ZBTB10: variants seen among roughly 807,000 people sequenced by gnomAD.
ZBTB10 encodes zinc finger and BTB domain-containing protein 10.
A neutral mutation model predicts 76.4 loss-of-function variants in ZBTB10; 32 were observed. The observed-to-expected ratio is 0.42, with a 90% CI of 0.32 to 0.56. The LOEUF (loss-of-function observed/expected upper bound fraction) is 0.56, where lower values mean the gene tolerates loss of function less well. Ranked by LOEUF, ZBTB10 falls within the 20% of genes least tolerant of loss-of-function variation. The pLI, the probability that ZBTB10 is intolerant of heterozygous loss-of-function variation, is 0.14. For synonymous variants in ZBTB10, 523 were observed against 432.9 expected, an observed-to-expected ratio of 1.21 and a Z score of -2.58; for missense variants, 1,057 against 1,098.5, an observed-to-expected ratio of 0.96 and a Z score of 0.53.
chr8:80,486,118 C>T, upstream of ZBTB10: 1 of 470,876 alleles, frequency 2.1e-6, no homozygotes, highest in Non-Finnish European at 3.7e-6. Context: ...CCACCCCACC[C>T]CAGCCCAGCC....
At chr8:80,504,439 G>C (rs1037872693) in intron 2 of ZBTB10, among the ~76,000 whole-genome samples, 1 of 152,070 alleles carries the variant, frequency 6.6e-6, no homozygotes, top group Admixed American at 6.6e-5. Flanking sequence ...CTTTTGTTTG[G>C]GTGCCTTTTA....
chr8:80,490,532 C>T (rs1042534369), intron 1 of ZBTB10, among the ~76,000 whole-genome samples: 6 of 152,168 alleles, frequency 3.9e-5, no homozygotes. Context: ...GCCACTGAGC[C>T]TGGCCGTTAT....
rs1815856616 is a variant in ZBTB10, at chr8:80,499,026, A to C, written c.973-468A>C. Reference sequence around the variant, plus strand: ...TTGATTTTAATGTTTGCCAAGACTTAAAATTTACCTTTTTATTAATGGTAG... The same window carrying C: ...TTGATTTTAATGTTTGCCAAGACTTCAAATTTACCTTTTTATTAATGGTAG... On this transcript the variant is annotated intron_variant, in intron 1 of 5. Transcript: ENST00000455036. Among the ~76,000 whole-genome samples, 3 of 152,230 alleles carry C rather than the reference A, an allele frequency of 2.0e-5. No homozygotes were observed. The South Asian group carries it at 6.2e-4, about 32-fold the overall frequency.
At chr8:80,505,178 T>C (rs1816018754) in intron 2 of ZBTB10, among the ~76,000 whole-genome samples, 3 of 152,204 alleles carry the variant, frequency 2.0e-5, no homozygotes. Context: ...GATATAAATG[T>C]GGTTGCCCTA....
rs1480277946 is a variant in ZBTB10 at position 80,514,096 on chromosome 8, A to AT, written c.1960+88_1960+89insT. On this transcript the variant is annotated intron_variant, in intron 3 of 5. Coordinates refer to ENST00000455036, the MANE Select transcript of ZBTB10 (RefSeq NM_001105539.3). Reference sequence around the variant, plus strand: ...CAGCCTAGTGTAATTTCTCTTCCATAAGGGGGTTCTATTGTATATAACTAC... The same window carrying AT: ...CAGCCTAGTGTAATTTCTCTTCCATATAGGGGGTTCTATTGTATATAACTAC... 3 of 1,194,992 alleles carry AT rather than the reference A, an allele frequency of 2.5e-6. No homozygotes were observed. The African/African-American group carries it at 4.5e-5, about 18-fold the overall frequency. 74.0% of individuals were successfully genotyped at this position (1,194,992 alleles called of 1,614,324 possible).
rs1283087674 is a variant in ZBTB10 at position 80,500,887 on chromosome 8, GTTTA to G, written c.1861+513_1861+516del. On this transcript the variant is annotated intron_variant, in intron 2 of 5. Coordinates refer to ENST00000455036, the MANE Select transcript of ZBTB10 (RefSeq NM_001105539.3). ...GGCTACTGTTCTTCTGTTATTTTTT[GTTTA>G]TTTATTTTTTTGAGTCGGAGTCTCA... Among the ~76,000 whole-genome samples, 6 of 152,170 alleles carry G rather than the reference GTTTA, an allele frequency of 3.9e-5. No individual in the cohort carries two copies. In the South Asian group the frequency reaches 6.2e-4, roughly 16 times the overall value.
At chr8:80,518,669 A>G in intron 4 of ZBTB10, 90 bp downstream of exon 4, 1 of 1,480,684 alleles carries the variant, frequency 6.8e-7, no homozygotes, top group Non-Finnish European at 9.0e-7. Flanking sequence ...TTAAAAACCA[A>G]GTAGCAGTAG....
At position 80,487,455 on chromosome 8, in the gene ZBTB10, G is replaced by C. The variant is rs1815503447; in HGVS notation, c.645G>C (p.Gly215=). Residue 215 remains glycine (G), a synonymous_variant, in exon 1 of 6, where the codon GGG becomes GGC. Coordinates refer to ENST00000455036, the MANE Select transcript of ZBTB10 (RefSeq NM_001105539.3). ...GCAGGCGGTCGGGCGGCGATGGCGG[G>C]GACGAAGTGGAGGGCAGCGGTGTGG... ...SSSRRSGGDG[G]DEVEGSGVGA... is the part of the protein sequence containing the mutation. The C allele has an allele frequency of 6.5e-7, 1 of 1,547,114 alleles. No individual in the cohort carries two copies. The highest frequency in any genetic ancestry group is 1.4e-5 in the African/African-American group (1 of 72,962).
In ZBTB10 at chr8:80,519,676, C is replaced by G; in HGVS notation, c.*148C>G. 1.1e-6 allele frequency: 1 copy of G among 937,490 alleles called. No individual in the cohort carries two copies. The highest frequency in any genetic ancestry group is 1.5e-6 in the Non-Finnish European group (1 of 651,000). The allele number at this position is 937,490 out of a possible 1,614,324, so 58.1% of individuals were successfully genotyped here. ...AAACTGTAGGGTCAAAGCCTTATAG[C>G]AAAAAAAATTTTTTTTTATATTTGC... On this transcript the variant is annotated 3_prime_UTR_variant, in exon 6 of 6. Transcript: ENST00000455036.
chr8:80,485,844 G>A (rs1451468695), upstream of ZBTB10: 1 of 1,535,746 alleles, frequency 6.5e-7, no homozygotes, highest in Non-Finnish European at 8.7e-7. Flanking sequence ...AGGTGAACTC[G>A]TGGCGAGAGA....
At chr8:80,485,701 C>T (rs1355983430), upstream of ZBTB10, 3 of 1,306,270 alleles carry the variant, frequency 2.3e-6, no homozygotes, top group Non-Finnish European at 3.1e-6. Flanking sequence ...AACCTCTTCG[C>T]GTGAAAGGCA....
rs1014291419 is a variant in ZBTB10, at chr8:80,523,448, G to A, written c.*3920G>A. On this transcript the variant is annotated 3_prime_UTR_variant, in exon 6 of 6. Coordinates refer to ENST00000455036, the MANE Select transcript of ZBTB10 (RefSeq NM_001105539.3). The stretch of plus-strand genomic sequence containing the variant: ...ATCAGTGTAGCACATGCTCTTAACT[G>A]GCTGTGGCATTTTAATTTTATAAAA... 2.0e-5 allele frequency: 3 copies of A among 151,772 alleles called. No individual in the cohort carries two copies. Among genetic ancestry groups the A allele is most frequent in the African/African-American group, 7.3e-5 (3 of 41,348 alleles). 9.4% of individuals were successfully genotyped at this position (151,772 alleles called of 1,614,324 possible).
intron 1 of ZBTB10, among the ~76,000 whole-genome samples, chr8:80,490,711 A>G (rs1282819774): frequency 6.6e-6 from 1 of 152,192 alleles, no homozygotes; most frequent in African/African-American, 2.4e-5. Flanking sequence ...GAGTTTTAGA[A>G]TTCTTTAGGC....
Position 80,519,359 on chromosome 8 carries a change from G to A in ZBTB10, c.2447G>A (p.Gly816Glu), listed in dbSNP as rs2131520627. Residue 816 changes from glycine to glutamate, a missense_variant, in exon 6 of 6, where the codon GGG becomes GAG. Physicochemically the swap from Gly to Glu is moderately conservative, Grantham distance 98. Transcript: ENST00000455036. ...TGTGCAGATAAATCACAGCCAGGAG[G>A]GCAAGAAGGTGTAGATCAGGGACAG... ...VDCADKSQPG[G>E]QEGVDQGQDT... is the part of the protein sequence containing the mutation. 6.2e-7 allele frequency: 1 copy of A among 1,613,570 alleles called. No homozygotes were observed. Among genetic ancestry groups the A allele is most frequent in the Non-Finnish European group, 8.5e-7 (1 of 1,179,740 alleles).
intron 3 of ZBTB10, among the ~76,000 whole-genome samples, chr8:80,514,524 A>G (rs1816280010): frequency 6.6e-6 from 1 of 152,228 alleles, no homozygotes; most frequent in African/African-American, 2.4e-5. Context: ...TAGAAGAATG[A>G]TAGAATTGGA....
Position 80,521,594 on chromosome 8 carries a change from T to C in ZBTB10, c.*2066T>C, listed in dbSNP as rs969151564. The C allele has an allele frequency of 6.6e-6, 1 of 151,828 alleles. No individual in the cohort carries two copies. The highest frequency in any genetic ancestry group is 2.4e-5 in the African/African-American group (1 of 41,434). 9.4% of individuals were successfully genotyped at this position (151,828 alleles called of 1,614,324 possible). On this transcript the variant is annotated 3_prime_UTR_variant, in exon 6 of 6. Coordinates refer to ENST00000455036, the MANE Select transcript of ZBTB10 (RefSeq NM_001105539.3). ...GCTTTATTAGACTACAGTTCACTTA[T>C]TGCATAGAAACTGGACTTGGCTTTA...
At position 80,499,989 on chromosome 8, in the gene ZBTB10, C is replaced by T; in HGVS notation, c.1468C>T (p.Leu490=). 6.2e-7 allele frequency: 1 copy of T among 1,613,956 alleles called. No homozygotes were observed. Among genetic ancestry groups the T allele is most frequent in the Non-Finnish European group, 8.5e-7 (1 of 1,179,886 alleles). Residue 490 remains leucine (L), a synonymous_variant, in exon 2 of 6, where the codon CTG becomes TTG. Coordinates refer to ENST00000455036, the MANE Select transcript of ZBTB10 (RefSeq NM_001105539.3). ...TAGAAAACCAGTTAATAGAGATGGT[C>T]TGTCTTCATCACGGGATCAAAAAAT... ...NNRKPVNRDG[L]SSSRDQKIAS...
intron 2 of ZBTB10, among the ~76,000 whole-genome samples, chr8:80,507,293 C>T (rs918489807): frequency 1.4e-5 from 2 of 143,574 alleles, no homozygotes; most frequent in African/African-American, 2.6e-5. Context: ...GGTGACAGAG[C>T]GAGACTCAGT....
At position 80,514,015 on chromosome 8, in the gene ZBTB10, A is replaced by G; in HGVS notation, c.1960+7A>G. On this transcript the variant is annotated splice_region_variant and intron_variant, in intron 3 of 5. Transcript: ENST00000455036. ...CAAGATGGAGGTGATGCTGGTAGGTACAGTAAGATTTTAGCAACAGTACAT... is the reference window on the plus strand; with the variant it reads ...CAAGATGGAGGTGATGCTGGTAGGTGCAGTAAGATTTTAGCAACAGTACAT... 1 of 1,611,804 alleles carries G rather than the reference A, an allele frequency of 6.2e-7. No homozygotes were observed. The highest frequency in any genetic ancestry group is 1.1e-5 in the South Asian group (1 of 90,690).
Sources: allele counts gnomAD v4.1 joint callset (sites outside exome capture counted in the v4.1 genomes callset), GRCh38; gene constraint gnomAD v4.1.1; transcripts MANE v1.5; gene names NCBI Gene and HGNC (gene_info 2026-07-23, HGNC 2026-07-21).